Variants in RABGAP1 observed in about 807,000 individuals in gnomAD.
RABGAP1 encodes the protein rab GTPase-activating protein 1.
Under a neutral mutation model 137.6 loss-of-function variants are expected in RABGAP1, and 23 were observed. That is an observed-to-expected ratio of 0.17 (90% CI 0.12 to 0.24). The LOEUF is 0.24. Ranked by LOEUF, RABGAP1 falls within the 10% of genes least tolerant of loss-of-function variation. RABGAP1 has a pLI of 1.00. For synonymous variants in RABGAP1, 451 were observed against 450.7 expected (o/e 1.00, Z -0.01); for missense variants, 906 against 1,275.8 (o/e 0.71, Z 4.42).
chr9:122,994,614 CTTTAAG>C (rs1444966126), intron 6 of RABGAP1, among the ~76,000 whole-genome samples: 4 of 152,228 alleles, frequency 2.6e-5, no homozygotes, highest in Non-Finnish European at 4.4e-5. Context: ...TTAGGGCTAC[CTTTAAG>C]TTTGAGTAGG....
chr9:123,098,620 A>C (rs2035253352), intron 22 of RABGAP1, 95 bp from the exon 23 acceptor site: 8 of 989,112 alleles, frequency 8.1e-6, no homozygotes, highest in Non-Finnish European at 1.0e-5. Flanking sequence ...GGTTTGGTTC[A>C]GCAGTTTTTG....
intron 13 of RABGAP1, among the ~76,000 whole-genome samples, chr9:123,053,103 A>G (rs974152898): frequency 6.6e-6 from 1 of 152,210 alleles, no homozygotes; most frequent in Non-Finnish European, 1.5e-5. Flanking sequence ...TTCAGTATTT[A>G]ATTTTAAAAG....
intron 12 of RABGAP1, among the ~76,000 whole-genome samples, chr9:123,016,046 ACAGAG>A (rs1302825020): frequency 6.6e-6 from 1 of 152,182 alleles, no homozygotes; most frequent in African/African-American, 2.4e-5. Flanking sequence ...ATCTAGAATG[ACAGAG>A]CAAAGTGTCA....
chr9:122,996,495 G>T, intron 7 of RABGAP1, 44 bp from the exon 8 acceptor site: 1 of 1,530,462 alleles, frequency 6.5e-7, no homozygotes, highest in African/African-American at 1.4e-5. Context: ...ACGTTCTTTT[G>T]TGTTATCTTT....
chr9:122,942,222 CATT>C (rs1833620609), intron 1 of RABGAP1, among the ~76,000 whole-genome samples: 1 of 152,084 alleles, frequency 6.6e-6, no homozygotes, highest in South Asian at 2.1e-4. Flanking sequence ...GTGTTTGTAA[CATT>C]AAACTGATGT....
rs1837033593 is a variant in RABGAP1 at position 122,996,577 on chromosome 9, G to A, written c.1073G>A (p.Arg358Gln). Reference sequence around the variant, plus strand: ...CTCCTTAGTCCAGGAAAAGATGTACGAAATAGTGACATGCACTTATTAGAT... The same window carrying A: ...CTCCTTAGTCCAGGAAAAGATGTACAAAATAGTGACATGCACTTATTAGAT... ...GLLLSPGKDV[R>Q]NSDMHLLDLE... is the part of the protein sequence containing the mutation. Residue 358 changes from arginine to glutamine, a missense_variant, in exon 8 of 26, where the codon CGA becomes CAA. This residue lies in a region of RABGAP1 where 212 missense variants were observed against 289.4 expected (regional missense o/e 0.73). Transcript: ENST00000373647. 1.2e-6 allele frequency: 2 copies of A among 1,608,742 alleles called. No individual in the cohort carries two copies. Among genetic ancestry groups the A allele is most frequent in the East Asian group, 2.2e-5 (1 of 44,686 alleles).
At chr9:123,055,869 T>C (rs2132078862) in intron 13 of RABGAP1, among the ~76,000 whole-genome samples, 1 of 152,316 alleles carries the variant, frequency 6.6e-6, no homozygotes, top group South Asian at 2.1e-4. Flanking sequence ...TATACTTATA[T>C]AACCCAGTTT....
chr9:122,990,796 AATATATAT>A (rs1188480184), intron 6 of RABGAP1: 556 of 27,684 alleles, frequency 0.02, 37 homozygotes, highest in African/African-American at 0.057. Context: ...AAAAAAAAAA[AATATATAT>A]ATATATATAT....
At position 123,001,150 on chromosome 9, in the gene RABGAP1, A is replaced by AT. The variant is rs1483733991; in HGVS notation, c.1374+2391dup. 3.9e-5 allele frequency among the ~76,000 whole-genome samples: 6 copies of AT among 152,002 alleles called. No individual in the cohort carries two copies. The East Asian group carries it at 1.2e-3, about 29-fold the overall frequency. ...GGTGGGAGCCACCGCGCCTGGCCCT[A>AT]TTTTTTTATTTTTTTAACCAGACTT... On this transcript the variant is annotated intron_variant, in intron 10 of 25. Transcript: ENST00000373647.
chr9:123,091,402 C>T (rs1367770098), intron 21 of RABGAP1, among the ~76,000 whole-genome samples: 1 of 152,164 alleles, frequency 6.6e-6, no homozygotes, highest in Non-Finnish European at 1.5e-5. Flanking sequence ...TCATTTAGTT[C>T]TCCTAGGTAG....
At chr9:122,987,603 A>C (rs1200066220) in intron 4 of RABGAP1, among the ~76,000 whole-genome samples, 1 of 152,162 alleles carries the variant, frequency 6.6e-6, no homozygotes, top group Non-Finnish European at 1.5e-5. Flanking sequence ...ATTATTAAAA[A>C]TTTTAATTTA....
upstream of RABGAP1, chr9:122,938,718 C>T (rs1051909366): frequency 2.0e-5 from 3 of 151,960 alleles, no homozygotes; most frequent in Non-Finnish European, 2.9e-5. Context: ...AGATTCATAA[C>T]GTTGTATGTA....
the RABGAP1 span, among the ~76,000 whole-genome samples, chr9:122,932,997 G>A: frequency 2.0e-5 from 3 of 152,162 alleles, no homozygotes; most frequent in Non-Finnish European, 4.4e-5. Context: ...TTGAATTGTG[G>A]CATACAGTCT....
At position 123,053,314 on chromosome 9, in the gene RABGAP1, C is replaced by A. The variant is rs540621808; in HGVS notation, c.1795-12034C>A. Among the ~76,000 whole-genome samples the A allele has an allele frequency of 3.3e-5, 5 of 152,278 alleles. No homozygotes were observed. The East Asian group carries it at 9.6e-4, about 29-fold the overall frequency. On this transcript the variant is annotated intron_variant, in intron 13 of 25. Coordinates refer to ENST00000373647, the MANE Select transcript of RABGAP1 (RefSeq NM_012197.4). ...TAGGCTTAACAGTCTTATTCTCATT[C>A]TTTATTTTGCTCAGTTCTACTTCCA... is the stretch of plus-strand genomic sequence containing the variant.
At chr9:122,973,805 T>C (rs1389025220) in intron 2 of RABGAP1, among the ~76,000 whole-genome samples, 2 of 149,624 alleles carry the variant, frequency 1.3e-5, no homozygotes, top group East Asian at 4.0e-4. Flanking sequence ...AGGTCAGGAG[T>C]TTGAGACAAG....
At chr9:123,020,862 T>C in intron 13 of RABGAP1, 4 of 860,864 alleles carry the variant, frequency 4.6e-6, no homozygotes, top group Non-Finnish European at 5.6e-6. Context: ...AGAAAATAAT[T>C]CTTTAATCTA....
rs117042761 is a variant in RABGAP1, at chr9:123,102,457, A to G, written c.3088-634A>G. Among the ~76,000 whole-genome samples the G allele has an allele frequency of 3.1e-4, 47 of 152,316 alleles. 1 individual carries two copies. The East Asian group carries it at 8.9e-3, about 29-fold the overall frequency. On this transcript the variant is annotated intron_variant, in intron 25 of 25. Coordinates refer to ENST00000373647, the MANE Select transcript of RABGAP1 (RefSeq NM_012197.4). ...CATCTGCTCTTTGGCAGGCCCTGTT[A>G]TAGGTCTGGGACTGCAAAGCTAAGG...
At chr9:122,946,035 AAGG>A (rs1833930205) in intron 1 of RABGAP1, 1 of 152,182 alleles carries the variant, frequency 6.6e-6, no homozygotes, top group African/African-American at 2.4e-5. Flanking sequence ...AGAGTAGAAC[AAGG>A]AGTTTGTTCT....
intron 19 of RABGAP1, among the ~76,000 whole-genome samples, chr9:123,077,261 C>T (rs981353816): frequency 6.6e-6 from 1 of 151,608 alleles, no homozygotes; most frequent in African/African-American, 2.4e-5. Flanking sequence ...GCGGTCCTCT[C>T]ACCTCAGCCT....
Sources: gnomAD v4.1 joint callset for allele counts (sites outside exome capture counted in the v4.1 genomes callset) on GRCh38, gnomAD v4.1.1 for gene constraint, gnomAD v4.1.1 regional missense constraint, MANE v1.5 for transcripts, NCBI Gene and HGNC (gene_info 2026-07-23, HGNC 2026-07-21) for gene names.